NFASC: variants seen among roughly 807,000 people sequenced by gnomAD.
NFASC encodes neurofascin.
NFASC carries 43 observed loss-of-function variants against 147.5 expected under a neutral mutation model. The observed-to-expected ratio is 0.29, with a 90% CI of 0.23 to 0.38. The LOEUF (loss-of-function observed/expected upper bound fraction) is 0.38, where lower values mean the gene tolerates loss of function less well. NFASC is among the 10% of genes least tolerant of loss of function. NFASC has a pLI of 1.00. For synonymous variants in NFASC, 622 were observed against 665.5 expected (o/e 0.93, Z 1.01); for missense variants, 1,320 against 1,689.0 (o/e 0.78, Z 3.83).
intron 1 of NFASC, among the ~76,000 whole-genome samples, chr1:204,873,567 C>T (rs1199715250): frequency 6.6e-6 from 1 of 152,226 alleles, no homozygotes; most frequent in East Asian, 1.9e-4. Context: ...CTGGGCCTCC[C>T]ACCACAGAGC....
At chr1:204,966,519 G>C (rs73069106) in intron 8 of NFASC, among the ~76,000 whole-genome samples, 1 of 152,106 alleles carries the variant, frequency 6.6e-6, no homozygotes, top group Non-Finnish European at 1.5e-5. Flanking sequence ...TGGTGATTCC[G>C]TGATGGTGGG....
At chr1:204,840,452 C>T (rs567626123) in intron 1 of NFASC, among the ~76,000 whole-genome samples, 5 of 152,336 alleles carry the variant, frequency 3.3e-5, no homozygotes, top group Admixed American at 2.0e-4. Flanking sequence ...TTTCACGTGG[C>T]TATATCTTCT....
chr1:204,919,252 T>G (rs1208545840), intron 1 of NFASC, among the ~76,000 whole-genome samples: 1 of 152,154 alleles, frequency 6.6e-6, no homozygotes, highest in Non-Finnish European at 1.5e-5. Flanking sequence ...CTCAAACTCC[T>G]GAGCTCAGGC....
In NFASC at chr1:204,987,321, G is replaced by A. The variant is rs1178294464; in HGVS notation, c.2471-97G>A. 3.3e-6 allele frequency: 4 copies of A among 1,213,660 alleles called. No homozygotes were observed. Among genetic ancestry groups the A allele is most frequent in the South Asian group, 1.4e-5 (1 of 73,654 alleles). The allele number at this position is 1,213,660 out of a possible 1,614,324, so 75.2% of individuals were successfully genotyped here. On this transcript the variant is annotated intron_variant, in intron 21 of 29. Coordinates refer to ENST00000339876, the MANE Select transcript of NFASC (RefSeq NM_001005388.3). The surrounding 1 kb of genome is among the most constrained non-coding windows in gnomAD (Gnocchi z 4.4). ...GTGTCGAGCATGGGGGTTGTCCAGA[G>A]GTCAATGCCTTCATACTTGTGCTTT...
chr1:204,985,943 A>G, intron 21 of NFASC: 5 of 1,613,748 alleles, frequency 3.1e-6, no homozygotes, highest in Non-Finnish European at 4.2e-6. Context: ...CTTGCTGAAG[A>G]ACCTGTGGGT....
At chr1:205,012,302 T>C (rs951536574) in intron 28 of NFASC, among the ~76,000 whole-genome samples, 3 of 152,230 alleles carry the variant, frequency 2.0e-5, no homozygotes, top group African/African-American at 7.2e-5. Flanking sequence ...CATAGGTGTG[T>C]ACGGCGTGTC....
chr1:204,947,460 C>G (rs77128782), intron 3 of NFASC, among the ~76,000 whole-genome samples: 3 of 152,150 alleles, frequency 2.0e-5, no homozygotes, highest in Admixed American at 6.5e-5. Flanking sequence ...ATCTGTGTCT[C>G]GAGGGCAGGG....
At chr1:204,865,938 A>T (rs571540185) in intron 1 of NFASC, among the ~76,000 whole-genome samples, 10 of 152,310 alleles carry the variant, frequency 6.6e-5, no homozygotes, top group Non-Finnish European at 1.5e-4. Flanking sequence ...CCAGCAGTGT[A>T]TGGGAGTTCC....
chr1:204,864,882 C>T (rs1287977843), intron 1 of NFASC, among the ~76,000 whole-genome samples: 1 of 152,200 alleles, frequency 6.6e-6, no homozygotes, highest in Non-Finnish European at 1.5e-5. Flanking sequence ...TTCTCCCGTT[C>T]TGTAGGTTGT....
chr1:204,965,580 C>T (rs1409222198), intron 8 of NFASC, among the ~76,000 whole-genome samples: 1 of 152,178 alleles, frequency 6.6e-6, no homozygotes. Context: ...TTTTTCTCCA[C>T]CTTGGGCCCG....
chr1:205,015,854 A>G lies in NFASC; in HGVS notation c.3492-454A>G, dbSNP rs2096350705. Among the ~76,000 whole-genome samples the G allele has an allele frequency of 6.6e-6, 1 of 152,120 alleles. No individual in the cohort carries two copies. Among genetic ancestry groups the G allele is most frequent in the Non-Finnish European group, 1.5e-5 (1 of 68,036 alleles). Reference sequence around the variant, plus strand: ...CGAGAGTGTTTCCCTACAGAGTCACAGGTCTTGGGAGATCAAAGCTGGGCC... The same window carrying G: ...CGAGAGTGTTTCCCTACAGAGTCACGGGTCTTGGGAGATCAAAGCTGGGCC... On this transcript the variant is annotated intron_variant, in intron 29 of 29. Coordinates refer to ENST00000339876, the MANE Select transcript of NFASC (RefSeq NM_001005388.3). This position sits in a 1 kb window ranked among gnomAD's most constrained non-coding sequence, Gnocchi z 4.0.
chr1:204,901,086 A>G (rs563708083), intron 1 of NFASC, among the ~76,000 whole-genome samples: 1 of 152,286 alleles, frequency 6.6e-6, no homozygotes, highest in East Asian at 1.9e-4. Context: ...ATGAACTAAA[A>G]TGGGAAAGGC....
chr1:204,893,048 C>G (rs991687771), intron 1 of NFASC, among the ~76,000 whole-genome samples: 1 of 152,174 alleles, frequency 6.6e-6, no homozygotes, highest in Admixed American at 6.5e-5. Context: ...ACTAAAGAAT[C>G]TGTAGGAAGC....
chr1:204,857,981 G>A (rs965443777), intron 1 of NFASC, among the ~76,000 whole-genome samples: 11 of 142,972 alleles, frequency 7.7e-5, no homozygotes, highest in African/African-American at 1.9e-4. Context: ...GTGCAATGGC[G>A]CGATCTCAGC....
chr1:204,914,391 C>T (rs2088613455), intron 1 of NFASC, among the ~76,000 whole-genome samples: 2 of 152,142 alleles, frequency 1.3e-5, no homozygotes, highest in African/African-American at 4.8e-5. Flanking sequence ...AGGGGCTTCT[C>T]CCTTCACTCA....
chr1:204,975,888 G>T lies in NFASC; in HGVS notation c.1706+470G>T, dbSNP rs764787672. On this transcript the variant is annotated intron_variant, in intron 15 of 29. Coordinates refer to ENST00000339876, the MANE Select transcript of NFASC (RefSeq NM_001005388.3). This position sits in a 1 kb window ranked among gnomAD's most constrained non-coding sequence, Gnocchi z 4.0. ...CCTGGCATGCTTTTACCACACCCAC[G>T]CCTGCCCCGCTCCTCAGACCCTGAT... Among the ~76,000 whole-genome samples the T allele has an allele frequency of 6.6e-6, 1 of 152,036 alleles. No homozygotes were observed.
intron 1 of NFASC, among the ~76,000 whole-genome samples, chr1:204,829,209 A>C (rs1237028312): frequency 2.2e-5 from 3 of 137,100 alleles, no homozygotes; most frequent in East Asian, 2.1e-4. Context: ...TGCCTCCCCT[A>C]TTCTCTTCCC....
At chr1:204,914,604 C>T (rs990708213) in intron 1 of NFASC, among the ~76,000 whole-genome samples, 2 of 152,148 alleles carry the variant, frequency 1.3e-5, no homozygotes, top group African/African-American at 4.8e-5. Context: ...AACGAAAATA[C>T]TCAATCTTAC....
intron 21 of NFASC, among the ~76,000 whole-genome samples, chr1:204,983,706 C>A (rs1017650078): frequency 5.3e-5 from 8 of 152,164 alleles, no homozygotes; most frequent in Non-Finnish European, 1.0e-4. Context: ...CCAGCGAGGG[C>A]AGCCCCCCAG....
Sources: gnomAD v4.1 joint callset for allele counts (sites outside exome capture counted in the v4.1 genomes callset) on GRCh38, gnomAD v4.1.1 for gene constraint, Gnocchi (gnomAD v3.1) non-coding constraint, MANE v1.5 for transcripts, NCBI Gene and HGNC (gene_info 2026-07-23, HGNC 2026-07-21) for gene names.